Variants in EBF1 observed in about 807,000 individuals in gnomAD.
The protein encoded by EBF1 is EBF transcription factor 1.
EBF1 carries 10 observed loss-of-function variants against 68.4 expected under a neutral mutation model. That is an observed-to-expected ratio of 0.15 (90% CI 0.09 to 0.25). The LOEUF is 0.25. Ranked by LOEUF, EBF1 falls within the 10% of genes least tolerant of loss-of-function variation. EBF1 has a pLI of 1.00. For synonymous variants in EBF1, 298 were observed against 299.8 expected (o/e 0.99, Z 0.06); for missense variants, 509 against 794.4 (o/e 0.64, Z 4.32).
At position 158,840,645 on chromosome 5, in the gene EBF1, G is replaced by GTTTTTTTTTTTTTTTTTTTTTTTTTTTT. The variant is rs534374216; in HGVS notation, c.555-536_555-535insAAAAAAAAAAAAAAAAAAAAAAAAAAAA. On this transcript the variant is annotated intron_variant, in intron 6 of 15. Coordinates refer to ENST00000313708, the MANE Select transcript of EBF1 (RefSeq NM_024007.5). Reference sequence around the variant, plus strand: ...TCCTTTGACTTCTCAAATACCTCCTGTTTTTTTTTTTTTTTTTTTTTTTTT... The same window carrying GTTTTTTTTTTTTTTTTTTTTTTTTTTTT: ...TCCTTTGACTTCTCAAATACCTCCTGTTTTTTTTTTTTTTTTTTTTTTTTTTTTTTTTTTTTTTTTTTTTTTTTTTTTT... Among the ~76,000 whole-genome samples the GTTTTTTTTTTTTTTTTTTTTTTTTTTTT allele has an allele frequency of 1.1e-4, 7 of 64,778 alleles. 1 individual carries two copies. The highest frequency in any genetic ancestry group is 5.1e-4 in the Admixed American group (2 of 3,922). The allele number at this position is 64,778 out of a possible 152,430, so 42.5% of individuals were successfully genotyped here. A position where few individuals can be genotyped will look rare whatever the true frequency, so the allele number is the denominator to read the frequency against.
In EBF1 at chr5:158,937,643, G is replaced by A. The variant is rs114061002; in HGVS notation, c.555-97533C>T. ...ATATCAGGGCAACCTTCTTAAGAGC[G>A]GGCTCTATTCGAGTGCGGAATGGCT... is the stretch of plus-strand genomic sequence containing the variant. On this transcript the variant is annotated intron_variant, in intron 6 of 15. Coordinates refer to ENST00000313708, the MANE Select transcript of EBF1 (RefSeq NM_024007.5). 2.8e-3 allele frequency among the ~76,000 whole-genome samples: 428 copies of A among 152,330 alleles called. 1 individual carries two copies. Among genetic ancestry groups the A allele is most frequent in the Non-Finnish European group, 4.7e-3 (322 of 68,046 alleles).
intron 6 of EBF1, among the ~76,000 whole-genome samples, chr5:158,847,312 G>A (rs910651284): frequency 3.3e-5 from 5 of 152,294 alleles, no homozygotes; most frequent in African/African-American, 9.6e-5. Flanking sequence ...CGCACTCCAC[G>A]TAGGTCTCCT....
chr5:158,705,931 T>G (rs1757764002), intron 15 of EBF1, among the ~76,000 whole-genome samples: 1 of 152,244 alleles, frequency 6.6e-6, no homozygotes. Context: ...AAATCTATGT[T>G]TAGCAAGGGC....
chr5:158,876,942 A>G (rs1797929215), intron 6 of EBF1, among the ~76,000 whole-genome samples: 1 of 152,220 alleles, frequency 6.6e-6, no homozygotes, highest in African/African-American at 2.4e-5. Context: ...AAATAGAAGT[A>G]AGCTGTTTGC....
intron 6 of EBF1, among the ~76,000 whole-genome samples, chr5:159,022,311 G>A (rs1766874720): frequency 6.6e-6 from 1 of 152,162 alleles, no homozygotes; most frequent in African/African-American, 2.4e-5. Flanking sequence ...ATGGCTACCC[G>A]GCCGCCTGTG....
chr5:158,747,825 CTG>C (rs1767932247), intron 10 of EBF1, among the ~76,000 whole-genome samples: 2 of 152,172 alleles, frequency 1.3e-5, no homozygotes, highest in African/African-American at 2.4e-5. Context: ...CAACTCTTTG[CTG>C]TCTCTGTGAA....
At chr5:158,792,473 C>T (rs1272178719) in intron 9 of EBF1, among the ~76,000 whole-genome samples, 1 of 151,496 alleles carries the variant, frequency 6.6e-6, no homozygotes, top group Admixed American at 6.6e-5. Flanking sequence ...TTAAGCCAGC[C>T]TGATTTTCTC....
At chr5:158,793,472 T>C (rs775893652) in intron 9 of EBF1, among the ~76,000 whole-genome samples, 8 of 152,216 alleles carry the variant, frequency 5.3e-5, no homozygotes, top group Non-Finnish European at 8.8e-5. Flanking sequence ...ACCACCTGGC[T>C]TATGAAACCT....
rs1340470577 is a variant in EBF1 at position 158,697,599 on chromosome 5, C to T, written c.*1512G>A. The T allele has an allele frequency of 1.5e-5, 3 of 204,996 alleles. No homozygotes were observed. The highest frequency in any genetic ancestry group is 6.9e-5 in the African/African-American group (3 of 43,738). 12.7% of individuals were successfully genotyped at this position (204,996 alleles called of 1,614,324 possible). ...ATATTTTACAAAATCCCCTTTAAAA[C>T]AAAAAGCCTTTTAATTAACTTTGCA... On this transcript the variant is annotated 3_prime_UTR_variant, in exon 16 of 16. Coordinates refer to ENST00000313708, the MANE Select transcript of EBF1 (RefSeq NM_024007.5).
chr5:159,087,442 A>C (rs1205269414), intron 4 of EBF1, among the ~76,000 whole-genome samples: 1 of 149,682 alleles, frequency 6.7e-6, no homozygotes, highest in Non-Finnish European at 1.5e-5. Flanking sequence ...ATATATATAC[A>C]TATATATATA....
At position 158,712,198 on chromosome 5, in the gene EBF1, G is replaced by A. The variant is rs2127488101; in HGVS notation, c.1505C>T (p.Ser502Phe). 1 of 1,613,820 alleles carries A rather than the reference G, an allele frequency of 6.2e-7. No individual in the cohort carries two copies. The highest frequency in any genetic ancestry group is 8.5e-7 in the Non-Finnish European group (1 of 1,179,906). ...AGCTGAGCCGTTGAGGAAGGTGGGG[G>A]AGCCGCCCAAATTGGACATTGCGGC... ...GSAAMSNLGG[S>F]PTFLNGSAAN... is the part of the protein sequence containing the mutation. Residue 502 changes from serine to phenylalanine, a missense_variant, in exon 14 of 16, where the codon TCC becomes TTC. Transcript: ENST00000313708.
intron 6 of EBF1, among the ~76,000 whole-genome samples, chr5:158,952,929 CA>C (rs1293255118): frequency 6.6e-6 from 1 of 151,774 alleles, no homozygotes; most frequent in Admixed American, 6.6e-5. Context: ...ACTTCTGCAC[CA>C]AAGTACCTTT....
intron 6 of EBF1, among the ~76,000 whole-genome samples, chr5:158,857,975 T>C (rs1467446767): frequency 6.6e-6 from 1 of 152,218 alleles, no homozygotes; most frequent in Non-Finnish European, 1.5e-5. Context: ...AAGTTGACCC[T>C]TCGTGGGCTC....
At chr5:158,815,861 A>G (rs1783632780) in intron 8 of EBF1, among the ~76,000 whole-genome samples, 1 of 152,234 alleles carries the variant, frequency 6.6e-6, no homozygotes, top group African/African-American at 2.4e-5. Context: ...TTTCAAGGAA[A>G]GACAAAAGGC....
chr5:158,897,949 T>C (rs1802488935), intron 6 of EBF1, among the ~76,000 whole-genome samples: 1 of 152,076 alleles, frequency 6.6e-6, no homozygotes, highest in African/African-American at 2.4e-5. Context: ...GCACAAAGGG[T>C]ACTGGGCGAG....
chr5:158,742,256 C>G (rs145847132), intron 10 of EBF1, among the ~76,000 whole-genome samples: 11 of 152,314 alleles, frequency 7.2e-5, no homozygotes, highest in Non-Finnish European at 1.5e-4. Context: ...ACTCCAGAAC[C>G]CATTTGACTT....
rs748759569 is a variant in EBF1 at position 158,796,489 on chromosome 5, C to G, written c.779-14G>C. ...TACAGGGAGTAGCTGCTTTTCAACACACATGAAAAAGAGAAGGAGTCTGCT... is the reference window on the plus strand; with the variant it reads ...TACAGGGAGTAGCTGCTTTTCAACAGACATGAAAAAGAGAAGGAGTCTGCT... On this transcript the variant is annotated splice_polypyrimidine_tract_variant and intron_variant, in intron 8 of 15. Coordinates refer to ENST00000313708, the MANE Select transcript of EBF1 (RefSeq NM_024007.5). 3.0e-5 allele frequency: 49 copies of G among 1,606,620 alleles called. No homozygotes were observed. The highest frequency in any genetic ancestry group is 3.9e-5 in the Non-Finnish European group (46 of 1,176,446).
rs115672435 is a variant in EBF1 at position 158,764,991 on chromosome 5, C to T, written c.1036+12422G>A. 2.5e-3 allele frequency among the ~76,000 whole-genome samples: 379 copies of T among 152,200 alleles called. 2 individuals are homozygous for T. Among genetic ancestry groups the T allele is most frequent in the African/African-American group, 8.2e-3 (341 of 41,540 alleles). On this transcript the variant is annotated intron_variant, in intron 10 of 15. Coordinates refer to ENST00000313708, the MANE Select transcript of EBF1 (RefSeq NM_024007.5). ...AAAAGGAATTGATGAATGAGAAAGG[C>T]TTTGTCAACTATAAAAATGCATTTA...
At chr5:158,707,886 T>C in intron 15 of EBF1, 93 bp downstream of exon 15, 1 of 1,389,422 alleles carries the variant, frequency 7.2e-7, no homozygotes. Context: ...CCAAGGCTGA[T>C]ACCCTCAGCA....
Sources: allele counts gnomAD v4.1 joint callset (sites outside exome capture counted in the v4.1 genomes callset), GRCh38; gene constraint gnomAD v4.1.1; transcripts MANE v1.5; gene names NCBI Gene and HGNC (gene_info 2026-07-23, HGNC 2026-07-21).